The following PI4KA variants were observed in gnomAD, a reference collection of about 807,000 sequenced individuals.
PI4KA encodes PI4-kinase alpha.
In PI4KA, 122 loss-of-function variants were observed where a neutral mutation model predicts 271.4. The ratio of observed to expected loss-of-function variants is 0.45; its 90% CI spans 0.39 to 0.52. The LOEUF (loss-of-function observed/expected upper bound fraction) is 0.52, where lower values mean the gene tolerates loss of function less well. PI4KA is among the 20% of genes least tolerant of loss of function. The pLI is 0.00. For synonymous variants in PI4KA, 1,041 were observed against 1,078.8 expected (o/e 0.96, Z 0.69); for missense variants, 1,969 against 2,769.1 (o/e 0.71, Z 6.48).
chr22:20,805,279 T>A, intron 10 of PI4KA, 114 bp from the exon 11 acceptor site: 3 of 716,124 alleles, frequency 4.2e-6, no homozygotes, highest in Non-Finnish European at 4.7e-6. Context: ...AAAGTAGCAT[T>A]TGCTACTGGC....
At chr22:20,848,789 G>A (rs1463044325) in intron 1 of PI4KA, among the ~76,000 whole-genome samples, 1 of 150,768 alleles carries the variant, frequency 6.6e-6, no homozygotes, top group Non-Finnish European at 1.5e-5. Context: ...TGGTTTCTTA[G>A]ATACAACACA....
intron 42 of PI4KA, among the ~76,000 whole-genome samples, chr22:20,723,648 T>C (rs1393236714): frequency 4.0e-5 from 6 of 151,732 alleles, no homozygotes; most frequent in Admixed American, 6.5e-5. Flanking sequence ...CTGGCAAACA[T>C]GGTGAAACCC....
In PI4KA at chr22:20,734,047, A is replaced by G. The variant is rs1393659875; in HGVS notation, c.4048T>C (p.Phe1350Leu). ...CCCCAGGAAGAGGGCCCTCACTTGA[A>G]GCGGGGCCCGATGGCCGCCACGTGC... ...NRHVAAIGPR[F>L]KLLTLGLSLL... is the part of the protein sequence containing the mutation. Residue 1350 changes from phenylalanine (F) to leucine (L), a missense_variant, in exon 34 of 55, where the codon TTC (phenylalanine) becomes CTC (leucine). Coordinates refer to ENST00000255882, the MANE Select transcript of PI4KA (RefSeq NM_058004.4). 1 of 1,587,146 alleles carries G rather than the reference A, an allele frequency of 6.3e-7. No homozygotes were observed. The highest frequency in any genetic ancestry group is 1.8e-5 in the Admixed American group (1 of 56,598).
Position 20,785,864 on chromosome 22 carries a change from C to T in PI4KA, c.2328+7329G>A, listed in dbSNP as rs772235134. 137 of 1,213,812 alleles carry T rather than the reference C, an allele frequency of 1.1e-4. 1 individual carries two copies. The highest frequency in any genetic ancestry group is 5.2e-4 in the South Asian group (42 of 80,984). The allele number at this position is 1,213,812 out of a possible 1,614,324, so 75.2% of individuals were successfully genotyped here. On this transcript the variant is annotated intron_variant, in intron 19 of 54. Coordinates refer to ENST00000255882, the MANE Select transcript of PI4KA (RefSeq NM_058004.4). ...TGTGCTTCCTAAAATCCTCAACTGA[C>T]AGTCCCGGAATATAAATTTTAATAA...
intron 19 of PI4KA, chr22:20,787,510 A>G (rs1206536071): frequency 3.9e-6 from 1 of 256,136 alleles, no homozygotes. Flanking sequence ...CACAACTAGC[A>G]CCATTCTTGA....
In PI4KA at chr22:20,744,697, C is replaced by A; in HGVS notation, c.3387G>T (p.Pro1129=). The A allele has an allele frequency of 6.2e-7, 1 of 1,614,106 alleles. No homozygotes were observed. The highest frequency in any genetic ancestry group is 2.2e-5 in the East Asian group (1 of 44,882). ...TGGAGTAGTCTTTCTTCACACAGGC[C>A]GGGCGCTCGCTCAGCTGAGTTGCCT... ...TLGATQLSER[P]ACVKKDYSNF... Residue 1129 remains proline, a synonymous_variant, in exon 30 of 55, where the codon CCG becomes CCT. Transcript: ENST00000255882.
chr22:20,841,603 C>T (rs747161302), intron 1 of PI4KA, among the ~76,000 whole-genome samples: 4 of 152,228 alleles, frequency 2.6e-5, no homozygotes, highest in Non-Finnish European at 5.9e-5. Context: ...TTATGCACTA[C>T]ACTGGCATGT....
chr22:20,764,270 C>T (rs1026600533), intron 22 of PI4KA, among the ~76,000 whole-genome samples: 2 of 152,154 alleles, frequency 1.3e-5, no homozygotes, highest in African/African-American at 2.4e-5. Context: ...GTACCTGGTA[C>T]AGCACAGACA....
intron 45 of PI4KA, among the ~76,000 whole-genome samples, chr22:20,716,763 C>A (rs368656190): frequency 6.6e-6 from 1 of 152,196 alleles, no homozygotes; most frequent in Non-Finnish European, 1.5e-5. Context: ...CTTCCCGATG[C>A]GGGAACAGAG....
At position 20,720,152 on chromosome 22, in the gene PI4KA, A is replaced by G. The variant is rs1197567426; in HGVS notation, c.5116+1146T>C. Among the ~76,000 whole-genome samples the G allele has an allele frequency of 3.9e-5, 6 of 151,926 alleles. No individual in the cohort carries two copies. In the East Asian group the frequency reaches 5.8e-4, roughly 15 times the overall value. On this transcript the variant is annotated intron_variant, in intron 43 of 54. Transcript: ENST00000255882. ...AAAGATGTGCATAACTCACTGGCCT[A>G]TATTTTACAAATGCCCACCGTTTGA...
rs361795 is a variant in PI4KA, at chr22:20,812,012, CAA to C, written c.1006-982_1006-981del. Among the ~76,000 whole-genome samples, 716 of 77,472 alleles carry C rather than the reference CAA, an allele frequency of 9.2e-3. 2 individuals are homozygous for C. Among genetic ancestry groups the C allele is most frequent in the East Asian group, 0.072 (212 of 2,958 alleles). The allele number at this position is 77,472 out of a possible 152,430, so 50.8% of individuals were successfully genotyped here. A position where few individuals can be genotyped will look rare whatever the true frequency, so the allele number is the denominator to read the frequency against. On this transcript the variant is annotated intron_variant, in intron 8 of 54. Coordinates refer to ENST00000255882, the MANE Select transcript of PI4KA (RefSeq NM_058004.4). ...TGGGCGACAGGGCGAGACTCCATCT[CAA>C]AAAAAAAAAAAAAAAAAAGAAAACC...
In PI4KA at chr22:20,729,302, C is replaced by G; in HGVS notation, c.4682+11G>C. 1 of 1,608,604 alleles carries G rather than the reference C, an allele frequency of 6.2e-7. No individual in the cohort carries two copies. Among genetic ancestry groups the G allele is most frequent in the Non-Finnish European group, 8.5e-7 (1 of 1,177,402 alleles). On this transcript the variant is annotated intron_variant, in intron 39 of 54. Coordinates refer to ENST00000255882, the MANE Select transcript of PI4KA (RefSeq NM_058004.4). ...GAGGCCTGTGTCAGGCTGTGGTGCC[C>G]GGGGGCCCACCTGGCAGGCAGCTGC...
At chr22:20,796,810 A>G (rs1935013445) in intron 17 of PI4KA, among the ~76,000 whole-genome samples, 1 of 152,208 alleles carries the variant, frequency 6.6e-6, no homozygotes, top group African/African-American at 2.4e-5. Context: ...TTCACATCCA[A>G]TGCTCAGCAA....
intron 1 of PI4KA, among the ~76,000 whole-genome samples, chr22:20,841,465 C>A (rs1188787050): frequency 6.9e-6 from 1 of 144,522 alleles, no homozygotes; most frequent in African/African-American, 2.9e-5. Flanking sequence ...CCCCACTCAA[C>A]TAAAAACATT....
chr22:20,788,048 T>C (rs1934383304), intron 19 of PI4KA, among the ~76,000 whole-genome samples: 1 of 152,216 alleles, frequency 6.6e-6, no homozygotes, highest in South Asian at 2.1e-4. Flanking sequence ...AATATGTTTC[T>C]GGATCCTTCA....
In PI4KA at chr22:20,733,749, A is replaced by G; in HGVS notation, c.4147T>C (p.Phe1383Leu). 2 of 1,613,774 alleles carry G rather than the reference A, an allele frequency of 1.2e-6. No homozygotes were observed. The highest frequency in any genetic ancestry group is 1.7e-6 in the Non-Finnish European group (2 of 1,179,854). The change falls in exon 35 of 55, where the codon TTT becomes CTT. Residue 1383 changes from phenylalanine to leucine, a missense_variant. Physicochemically the swap from Phe to Leu is conservative, Grantham distance 22. This residue lies in a region of PI4KA where 72 missense variants were observed against 103.1 expected (regional missense o/e 0.70). Transcript: ENST00000255882. The stretch of plus-strand genomic sequence containing the variant: ...TTGGGGGAGTACCTGAAGTAGTCAA[A>G]GGCAGTGGAGTAGATCTTCTCGCGA... ...VLREKIYSTA[F>L]DYFSCPPKFP...
At chr22:20,784,393 C>G in intron 19 of PI4KA, 1 of 1,114,930 alleles carries the variant, frequency 9.0e-7, no homozygotes, top group Middle Eastern at 2.9e-4. Flanking sequence ...TAATTCAGCC[C>G]CAATTTGTTG....
At chr22:20,714,423 T>C (rs1364827300) in intron 47 of PI4KA, 35 bp downstream of exon 47, 3 of 1,575,616 alleles carry the variant, frequency 1.9e-6, no homozygotes, top group Non-Finnish European at 2.6e-6. Flanking sequence ...GGAAAAGCAC[T>C]GAGCTCCCAA....
At chr22:20,720,800 A>G (rs1926647986) in intron 43 of PI4KA, among the ~76,000 whole-genome samples, 1 of 152,170 alleles carries the variant, frequency 6.6e-6, no homozygotes, top group African/African-American at 2.4e-5. Context: ...AAAAGATGTT[A>G]TTTATATTAA....
Sources: allele counts gnomAD v4.1 joint callset (sites outside exome capture counted in the v4.1 genomes callset), GRCh38; gene constraint gnomAD v4.1.1; regional missense constraint gnomAD v4.1.1; transcripts MANE v1.5; gene names NCBI Gene and HGNC (gene_info 2026-07-23, HGNC 2026-07-21).